SAMD5: variants seen among roughly 807,000 people sequenced by gnomAD.
The protein encoded by SAMD5 is sterile alpha motif domain-containing protein 5.
A neutral mutation model predicts 11.3 loss-of-function variants in SAMD5; 13 were observed. The observed-to-expected ratio is 1.15, with a 90% CI of 0.75 to 1.83. The LOEUF is 1.83. Among genes scored for constraint, SAMD5 ranks in the 40% most tolerant of loss-of-function variants. SAMD5 has a pLI of 0.00. For missense variants in SAMD5, 255 were observed against 239.1 expected, an observed-to-expected ratio of 1.07 and a Z score of -0.44; for synonymous variants, 129 against 111.3, an observed-to-expected ratio of 1.16 and a Z score of -1.00.
At chr6:147,544,991 A>G (rs1788663390) in intron 1 of SAMD5, among the ~76,000 whole-genome samples, 1 of 152,180 alleles carries the variant, frequency 6.6e-6, no homozygotes, top group South Asian at 2.1e-4. Context: ...CCAGTTTTAT[A>G]TTCCATGCAG....
chr6:147,854,725 A>G, the SAMD5 span, among the ~76,000 whole-genome samples: 1 of 152,214 alleles, frequency 6.6e-6, no homozygotes, highest in Admixed American at 6.5e-5. Context: ...AAGGATTTCA[A>G]CAACTAATTC....
chr6:147,900,601 A>T, the SAMD5 span, among the ~76,000 whole-genome samples: 1 of 152,218 alleles, frequency 6.6e-6, no homozygotes, highest in African/African-American at 2.4e-5. Flanking sequence ...GAAGAATCAC[A>T]GGAGAGTTAC....
chr6:147,618,425 T>C (rs1269086920), intron 1 of SAMD5, among the ~76,000 whole-genome samples: 1 of 151,944 alleles, frequency 6.6e-6, no homozygotes, highest in African/African-American at 2.4e-5. Context: ...TTCCCAGAGA[T>C]TGGGAGGAAG....
At chr6:147,663,069 CAGA>C (rs1583129667) in intron 1 of SAMD5, among the ~76,000 whole-genome samples, 1 of 152,122 alleles carries the variant, frequency 6.6e-6, no homozygotes, top group Non-Finnish European at 1.5e-5. Context: ...AGGCTTTAGT[CAGA>C]AGAAGGATTT....
intron 1 of SAMD5, among the ~76,000 whole-genome samples, chr6:147,625,274 G>A (rs548070009): frequency 1.1e-4 from 16 of 152,228 alleles, no homozygotes; most frequent in East Asian, 5.8e-4. Flanking sequence ...GTATTTAGTC[G>A]TCATGGTAAA....
chr6:147,825,291 C>G, the SAMD5 span, among the ~76,000 whole-genome samples: 52 of 152,046 alleles, frequency 3.4e-4, no homozygotes, highest in African/African-American at 1.2e-3. Flanking sequence ...AGTGAGACTC[C>G]GTCTCAAAAA....
intron 1 of SAMD5, among the ~76,000 whole-genome samples, chr6:147,652,682 T>A (rs1790503133): frequency 6.6e-6 from 1 of 152,216 alleles, no homozygotes; most frequent in Non-Finnish European, 1.5e-5. Context: ...AGATTGTTTT[T>A]AAAGGTTCCT....
At chr6:147,650,276 G>A (rs1790465295) in intron 1 of SAMD5, among the ~76,000 whole-genome samples, 1 of 152,214 alleles carries the variant, frequency 6.6e-6, no homozygotes, top group Non-Finnish European at 1.5e-5. Context: ...CTGTCATATT[G>A]TAAGCCATAT....
chr6:147,619,650 C>T (rs12197416), intron 1 of SAMD5, among the ~76,000 whole-genome samples: 45,303 of 152,104 alleles, frequency 0.3, 8,287 homozygotes, highest in Non-Finnish European at 0.4. Flanking sequence ...AGAGCTGGCC[C>T]CTTCAGAAAT....
the SAMD5 span, among the ~76,000 whole-genome samples, chr6:147,923,787 G>T: frequency 6.6e-6 from 1 of 152,136 alleles, no homozygotes; most frequent in Non-Finnish European, 1.5e-5. Context: ...ATGACACCTG[G>T]GCCCCTGATG....
At chr6:147,843,360 A>G in the SAMD5 span, among the ~76,000 whole-genome samples, 1 of 152,228 alleles carries the variant, frequency 6.6e-6, no homozygotes, top group Non-Finnish European at 1.5e-5. Context: ...AAATAAATGG[A>G]AGGATATCCT....
intron 1 of SAMD5, among the ~76,000 whole-genome samples, chr6:147,632,216 A>T (rs956304605): frequency 1.3e-5 from 2 of 152,180 alleles, no homozygotes; most frequent in Non-Finnish European, 2.9e-5. Context: ...GAATGACTCC[A>T]GTTTCCTTTG....
chr6:147,577,130 G>A (rs141564164), intron 1 of SAMD5, among the ~76,000 whole-genome samples: 13 of 152,346 alleles, frequency 8.5e-5, no homozygotes, highest in African/African-American at 2.6e-4. Context: ...CTAAATTGAA[G>A]GAATTTGTAC....
At chr6:147,544,733 T>A (rs1788659268) in intron 1 of SAMD5, among the ~76,000 whole-genome samples, 2 of 152,198 alleles carry the variant, frequency 1.3e-5, no homozygotes, top group Non-Finnish European at 2.9e-5. Context: ...TTTTACTCTA[T>A]TTTTTGCATA....
downstream of SAMD5, among the ~76,000 whole-genome samples, chr6:147,742,433 TTATCCTGGGGC>T (rs1486322167): frequency 6.6e-6 from 1 of 152,160 alleles, no homozygotes. Context: ...TTTAAGAAAA[TTATCCTGGGGC>T]TATCCTGGTA....
chr6:147,652,687 G>T (rs909045642), intron 1 of SAMD5, among the ~76,000 whole-genome samples: 1 of 152,146 alleles, frequency 6.6e-6, no homozygotes, highest in African/African-American at 2.4e-5. Context: ...GTTTTTAAAG[G>T]TTCCTGGCAA....
chr6:147,551,491 C>G (rs558810234), intron 1 of SAMD5, among the ~76,000 whole-genome samples: 2 of 152,062 alleles, frequency 1.3e-5, no homozygotes, highest in South Asian at 2.1e-4. Context: ...ACTTACCATG[C>G]GAGTGTGATT....
the SAMD5 span, among the ~76,000 whole-genome samples, chr6:147,773,536 T>G: frequency 1.3e-5 from 2 of 152,204 alleles, no homozygotes; most frequent in Admixed American, 1.3e-4. Flanking sequence ...CTCAAGGTGC[T>G]GGCAGATCCG....
the SAMD5 span, among the ~76,000 whole-genome samples, chr6:147,774,322 G>A: frequency 6.0e-3 from 916 of 152,218 alleles, 5 homozygotes; most frequent in Middle Eastern, 0.041. Context: ...GAGATAATAT[G>A]GATGAAGTGT....
Sources: gnomAD v4.1 joint callset for allele counts (sites outside exome capture counted in the v4.1 genomes callset) on GRCh38, gnomAD v4.1.1 for gene constraint, MANE v1.5 for transcripts, NCBI Gene and HGNC (gene_info 2026-07-23, HGNC 2026-07-21) for gene names.